SP2: variants seen among roughly 807,000 people sequenced by gnomAD.
The protein encoded by SP2 is Sp2 transcription factor, also known as transcription factor Sp2.
A neutral mutation model predicts 50.1 loss-of-function variants in SP2; 9 were observed. The observed-to-expected ratio is 0.18, with a 90% CI of 0.11 to 0.31. SP2 has a LOEUF of 0.31. Among genes scored for constraint, SP2 ranks in the 10% least tolerant of loss-of-function variants. SP2 has a pLI of 1.00. For synonymous variants in SP2, 313 were observed against 326.6 expected (o/e 0.96, Z 0.45); for missense variants, 581 against 806.5 (o/e 0.72, Z 3.39).
intron 1 of SP2, 95 bp downstream of exon 1, chr17:47,896,388 T>TC: frequency 9.5e-7 from 1 of 1,056,374 alleles, no homozygotes; most frequent in Non-Finnish European, 1.2e-6. Flanking sequence ...GGCCGGGGGT[T>TC]CCCCCCTGGG....
chr17:47,896,789 G>T (rs2034355880), intron 1 of SP2, among the ~76,000 whole-genome samples: 1 of 152,226 alleles, frequency 6.6e-6, no homozygotes, highest in African/African-American at 2.4e-5. Context: ...GCGAGGGAAC[G>T]CTTGAGACCC....
rs867414401 is a variant in SP2, at chr17:47,925,228, G to T, written c.1548-120G>T. On this transcript the variant is annotated intron_variant, in intron 5 of 6. Transcript: ENST00000376741. Reference sequence around the variant, plus strand: ...GCAGCTCTGTGCCACCTTGCCCCCTGCCTCCTTGTGCTCTCTGACCTGACC... The same window carrying T: ...GCAGCTCTGTGCCACCTTGCCCCCTTCCTCCTTGTGCTCTCTGACCTGACC... 2.0e-4 allele frequency: 283 copies of T among 1,402,818 alleles called. 2 individuals are homozygous for T. The highest frequency in any genetic ancestry group is 2.0e-3 in the Middle Eastern group (9 of 4,504). 86.9% of individuals were successfully genotyped at this position (1,402,818 alleles called of 1,614,324 possible).
Position 47,919,825 on chromosome 17 carries a change from C to CTTTTTTTTTTT in SP2, c.1059+2707_1059+2717dup, listed in dbSNP as rs141856390. 1.2e-3 allele frequency among the ~76,000 whole-genome samples: 116 copies of CTTTTTTTTTTT among 94,800 alleles called. 9 individuals carry two copies. The highest frequency in any genetic ancestry group is 3.7e-3 in the African/African-American group (87 of 23,766). The allele number at this position is 94,800 out of a possible 152,430, so 62.2% of individuals were successfully genotyped here. Reference sequence around the variant, plus strand: ...TTTGATCTGAAACACTTTGTCATTCCTTTTTTTTTTTTTTTTTTTTTTCTG... The same window carrying CTTTTTTTTTTT: ...TTTGATCTGAAACACTTTGTCATTCCTTTTTTTTTTTTTTTTTTTTTTTTTTTTTTTTTCTG... On this transcript the variant is annotated intron_variant, in intron 3 of 6. Coordinates refer to ENST00000376741, the MANE Select transcript of SP2 (RefSeq NM_003110.6).
chr17:47,909,078 C>G (rs996484885), intron 1 of SP2, among the ~76,000 whole-genome samples: 3 of 152,174 alleles, frequency 2.0e-5, no homozygotes, highest in Non-Finnish European at 4.4e-5. Context: ...ACCCTTTGAA[C>G]CCATGTCCCC....
chr17:47,904,458 G>C (rs185744146), intron 1 of SP2, among the ~76,000 whole-genome samples: 2 of 152,060 alleles, frequency 1.3e-5, no homozygotes, highest in South Asian at 4.1e-4. Context: ...TGCTTGAAGA[G>C]AAGGGGAGAC....
At chr17:47,911,241 A>G (rs1041539458) in intron 1 of SP2, among the ~76,000 whole-genome samples, 1 of 152,080 alleles carries the variant, frequency 6.6e-6, no homozygotes, top group Non-Finnish European at 1.5e-5. Flanking sequence ...AAATAAACAA[A>G]CAAATAAATC....
In SP2 at chr17:47,924,981, C is replaced by T; in HGVS notation, c.1435C>T (p.Pro479Ser). 1.2e-6 allele frequency: 2 copies of T among 1,614,098 alleles called. No homozygotes were observed. Among genetic ancestry groups the T allele is most frequent in the East Asian group, 4.5e-5 (2 of 44,882 alleles). Residue 479 changes from proline to serine, a missense_variant, in exon 5 of 7, where the codon CCC becomes TCC. Pro to Ser is a moderately conservative substitution (Grantham distance 74). Transcript: ENST00000376741. ...GNNLTISGLS[P>S]TQIQLQMEQA... ...CAACCTGACCATCAGTGGGCTGAGC[C>T]CCACCCAGATCCAGCTGCAAATGGA...
In SP2 at chr17:47,916,794, T is replaced by C. The variant is rs1265800709; in HGVS notation, c.723T>C (p.Ser241=). ...CTGAAAGCCCCCCAACCCCGCTGTC[T>C]AAGACTAACAAGAAAGCAAGGAAGA... ...LLTESPPTPL[S]KTNKKARKKS... The change falls in exon 3 of 7, where the codon TCT becomes TCC. Residue 241 remains serine, a synonymous_variant. Coordinates refer to ENST00000376741, the MANE Select transcript of SP2 (RefSeq NM_003110.6). This position sits in a 1 kb window ranked among gnomAD's most constrained non-coding sequence, Gnocchi z 4.7. 6.2e-7 allele frequency: 1 copy of C among 1,614,062 alleles called. No homozygotes were observed. Among genetic ancestry groups the C allele is most frequent in the African/African-American group, 1.3e-5 (1 of 75,034 alleles).
chr17:47,918,522 G>GGT (rs2035306088), intron 3 of SP2: 1 of 152,144 alleles, frequency 6.6e-6, no homozygotes, highest in African/African-American at 2.4e-5. Flanking sequence ...CCTTCCATGA[G>GGT]GTCCCATTTC....
chr17:47,923,493 A>T (rs1031697292), intron 4 of SP2, among the ~76,000 whole-genome samples: 2 of 152,264 alleles, frequency 1.3e-5, no homozygotes, highest in Non-Finnish European at 2.9e-5. Context: ...GACAGAGAAG[A>T]TAGATGTACT....
chr17:47,916,617 C>T lies in SP2; in HGVS notation c.546C>T (p.Ala182=). The change falls in exon 3 of 7, where the codon GCC becomes GCT. Residue 182 remains alanine (A), a synonymous_variant. Transcript: ENST00000376741. This position sits in a 1 kb window ranked among gnomAD's most constrained non-coding sequence, Gnocchi z 4.7. The part of the protein sequence containing the change: ...SSHKPVPIKP[A]PIQKSSTTTT... ...ACAAGCCTGTCCCCATCAAGCCAGC[C>T]CCCATCCAGAAGTCGAGTACGACCA... 6.2e-7 allele frequency: 1 copy of T among 1,614,100 alleles called. No homozygotes were observed. The highest frequency in any genetic ancestry group is 8.5e-7 in the Non-Finnish European group (1 of 1,180,000).
chr17:47,898,345 ACTT>A (rs758214651), intron 1 of SP2: 10 of 152,184 alleles, frequency 6.6e-5, no homozygotes, highest in Non-Finnish European at 1.0e-4. Flanking sequence ...TTGGCCTTGA[ACTT>A]CTTATTTCTT....
intron 3 of SP2, among the ~76,000 whole-genome samples, chr17:47,920,479 G>T (rs1387877151): frequency 1.3e-5 from 2 of 151,934 alleles, no homozygotes; most frequent in Non-Finnish European, 2.9e-5. Context: ...GTAGAGATGG[G>T]GTTTCACCAT....
chr17:47,921,464 C>A lies in SP2; in HGVS notation c.1060-1498C>A, dbSNP rs547844842. On this transcript the variant is annotated intron_variant, in intron 3 of 6. Transcript: ENST00000376741. ...ACGGGGTTTCACCAAGTTGACCAAG[C>A]TGGTATTGAACCACTGATCTCAAGT... Among the ~76,000 whole-genome samples the A allele has an allele frequency of 6.6e-5, 10 of 152,242 alleles. No homozygotes were observed. The East Asian group carries it at 1.9e-3, about 29-fold the overall frequency.
chr17:47,916,704 G>A lies in SP2; in HGVS notation c.633G>A (p.Thr211=), dbSNP rs772322456. ...VKLTGGGGNV[T]LTLPVNNLVN... The stretch of plus-strand genomic sequence containing the variant: ...TGACAGGTGGGGGCGGCAATGTGAC[G>A]CTCACTCTGCCCGTCAACAACCTTG... The change falls in exon 3 of 7, where the codon ACG becomes ACA. Residue 211 remains threonine (T), a synonymous_variant. Coordinates refer to ENST00000376741, the MANE Select transcript of SP2 (RefSeq NM_003110.6). The surrounding 1 kb of genome is among the most constrained non-coding windows in gnomAD (Gnocchi z 4.7). The A allele has an allele frequency of 5.6e-6, 9 of 1,613,292 alleles. No homozygotes were observed. Among genetic ancestry groups the A allele is most frequent in the East Asian group, 2.2e-5 (1 of 44,868 alleles).
intron 1 of SP2, among the ~76,000 whole-genome samples, chr17:47,905,509 G>T (rs1319150711): frequency 2.6e-5 from 4 of 152,214 alleles, no homozygotes; most frequent in Non-Finnish European, 5.9e-5. Context: ...CTCTCCAGAA[G>T]AAAAAGCTTC....
In SP2 at chr17:47,896,256, G is replaced by A. The variant is rs753415420; in HGVS notation, c.-31G>A. The A allele has an allele frequency of 1.6e-6, 2 of 1,236,756 alleles. No homozygotes were observed. The highest frequency in any genetic ancestry group is 2.1e-4 in the Middle Eastern group (1 of 4,780). The allele number at this position is 1,236,756 out of a possible 1,614,324, so 76.6% of individuals were successfully genotyped here. ...GTGTCAGGCTCTCGGTGGCGGCGGAGGCGGCGGAGGCCAGGGAGGAAGATG... is the reference window on the plus strand; with the variant it reads ...GTGTCAGGCTCTCGGTGGCGGCGGAAGCGGCGGAGGCCAGGGAGGAAGATG... On this transcript the variant is annotated 5_prime_UTR_variant, in exon 1 of 7. Coordinates refer to ENST00000376741, the MANE Select transcript of SP2 (RefSeq NM_003110.6).
chr17:47,906,362 C>A (rs1319250041), intron 1 of SP2, among the ~76,000 whole-genome samples: 2 of 152,168 alleles, frequency 1.3e-5, no homozygotes, highest in Admixed American at 1.3e-4. Flanking sequence ...CCCATAGGCA[C>A]TGAAGGTGTC....
At chr17:47,923,343 TG>T in intron 4 of SP2, 69 bp downstream of exon 4, 1 of 1,334,882 alleles carries the variant, frequency 7.5e-7, no homozygotes, top group Non-Finnish European at 1.0e-6. Flanking sequence ...AACTATGGGC[TG>T]GCCCCGGGAT....
Sources: gnomAD v4.1 joint callset for allele counts (sites outside exome capture counted in the v4.1 genomes callset) on GRCh38, gnomAD v4.1.1 for gene constraint, Gnocchi (gnomAD v3.1) non-coding constraint, MANE v1.5 for transcripts, NCBI Gene and HGNC (gene_info 2026-07-23, HGNC 2026-07-21) for gene names.